The following CATSPERB variants were observed in gnomAD, a reference collection of about 807,000 sequenced individuals.
CATSPERB encodes the protein cation channel sperm-associated auxiliary subunit beta.
In CATSPERB, 93 loss-of-function variants were observed where a neutral mutation model predicts 128.3. The ratio of observed to expected loss-of-function variants is 0.72; its 90% CI spans 0.61 to 0.86. The LOEUF (loss-of-function observed/expected upper bound fraction) is 0.86. Among genes scored for constraint, CATSPERB ranks in the 40% least tolerant of loss-of-function variants. The pLI is 0.00. For missense variants in CATSPERB, 1,153 were observed against 1,329.5 expected (o/e 0.87, Z 2.06); for synonymous variants, 381 against 448.8 (o/e 0.85, Z 1.91).
intron 15 of CATSPERB, among the ~76,000 whole-genome samples, chr14:91,657,253 A>G (rs1374293208): frequency 1.3e-5 from 2 of 152,288 alleles, no homozygotes; most frequent in East Asian, 3.9e-4. Context: ...CACATAGATC[A>G]TTCTGAAATA....
intron 20 of CATSPERB, among the ~76,000 whole-genome samples, chr14:91,612,166 C>T (rs1239648564): frequency 2.6e-5 from 4 of 151,854 alleles, no homozygotes; most frequent in African/African-American, 7.3e-5. Flanking sequence ...CTCAAGCGAT[C>T]CTCTCACCTC....
At chr14:91,628,866 C>T (rs1348299125) in intron 17 of CATSPERB, among the ~76,000 whole-genome samples, 1 of 152,192 alleles carries the variant, frequency 6.6e-6, no homozygotes, top group African/African-American at 2.4e-5. Flanking sequence ...AAAACACTGA[C>T]AACCCAAATA....
intron 15 of CATSPERB, among the ~76,000 whole-genome samples, chr14:91,651,383 C>T (rs181832321): frequency 2.0e-5 from 3 of 152,320 alleles, no homozygotes; most frequent in Non-Finnish European, 4.4e-5. Flanking sequence ...GAGACTGTAA[C>T]ATCTTTCTTC....
rs1326538883 is a variant in CATSPERB, at chr14:91,723,134, C to T, written c.224G>A (p.Ser75Asn). ...ENEIASKAML[S>N]VFTSGGLAPS... ...AGCAAGTCCTCCTGATGTGAACACA[C>T]TTAGCATTGCTTTTGATGCAATTTC... Residue 75 changes from serine (S) to asparagine (N), a missense_variant, in exon 4 of 27, where the codon AGT becomes AAT. Transcript: ENST00000256343. 1 of 1,540,178 alleles carries T rather than the reference C, an allele frequency of 6.5e-7. No homozygotes were observed. The highest frequency in any genetic ancestry group is 8.7e-7 in the Non-Finnish European group (1 of 1,142,960).
In CATSPERB at chr14:91,624,889, A is replaced by C. The variant is rs1458683533; in HGVS notation, c.1861T>G (p.Ser621Ala). The change falls in exon 18 of 27, where the codon TCT becomes GCT. Residue 621 changes from serine to alanine, a missense_variant. Transcript: ENST00000256343. ...PFGLEEVNES[S>A]CLSSSLLINK... ...ATCAAAAGGGAACTAGACAAACAAG[A>C]GCTCTCATTCACTTCTTCTAATCCA... is the stretch of plus-strand genomic sequence containing the variant. 6.2e-7 allele frequency: 1 copy of C among 1,612,662 alleles called. No homozygotes were observed. Among genetic ancestry groups the C allele is most frequent in the Non-Finnish European group, 8.5e-7 (1 of 1,179,582 alleles).
At chr14:91,713,917 A>G (rs1304936) in intron 5 of CATSPERB, among the ~76,000 whole-genome samples, 95,588 of 151,966 alleles carry the variant, frequency 0.63, 30,446 homozygotes, top group Non-Finnish European at 0.66. Flanking sequence ...CCTACTAGCC[A>G]AATGAATTCA....
chr14:91,644,540 C>T (rs1429290074), intron 15 of CATSPERB, among the ~76,000 whole-genome samples: 3 of 112,610 alleles, frequency 2.7e-5, no homozygotes, highest in African/African-American at 1.0e-4. Context: ...ATATTGGCCC[C>T]CACTCTCTTC....
chr14:91,718,526 G>A (rs558431588), intron 5 of CATSPERB, among the ~76,000 whole-genome samples: 1 of 152,220 alleles, frequency 6.6e-6, no homozygotes, highest in East Asian at 1.9e-4. Flanking sequence ...GGTGGATGCT[G>A]GATCAACAAT....
intron 15 of CATSPERB, among the ~76,000 whole-genome samples, chr14:91,650,968 T>C (rs1894695209): frequency 6.6e-6 from 1 of 152,222 alleles, no homozygotes; most frequent in Non-Finnish European, 1.5e-5. Flanking sequence ...TAGGTGTTAT[T>C]TTTACTGTTT....
At chr14:91,725,625 T>C (rs536833714) in intron 2 of CATSPERB, among the ~76,000 whole-genome samples, 221 of 152,330 alleles carry the variant, frequency 1.5e-3, no homozygotes, top group African/African-American at 5.1e-3. Flanking sequence ...AAGTAACATG[T>C]ATCCCTGCAG....
intron 14 of CATSPERB, among the ~76,000 whole-genome samples, chr14:91,664,922 C>T (rs532650622): frequency 1.3e-5 from 2 of 152,292 alleles, no homozygotes; most frequent in African/African-American, 4.8e-5. Flanking sequence ...TCAGGTCTTA[C>T]TCTGTCACCC....
intron 5 of CATSPERB, among the ~76,000 whole-genome samples, chr14:91,714,277 C>CAAAAAAAAAAAAAAAAAAAAAAAAA (rs35951126): frequency 9.0e-6 from 1 of 111,296 alleles, no homozygotes. Context: ...TACAATAAGG[C>CAAAAAAAAAAAAAAAAAAAAAAAAA]AAAAAAAAAA....
At chr14:91,670,571 A>G (rs1344053760) in intron 13 of CATSPERB, among the ~76,000 whole-genome samples, 1 of 152,118 alleles carries the variant, frequency 6.6e-6, no homozygotes. Context: ...AGTCCCAGCT[A>G]CTAATCAGGC....
chr14:91,693,084 G>T, intron 9 of CATSPERB, 42 bp downstream of exon 9: 4 of 1,232,334 alleles, frequency 3.2e-6, no homozygotes, highest in Non-Finnish European at 4.7e-6. Context: ...TGTCACAGAA[G>T]ATATTTAAGA....
chr14:91,648,966 C>A (rs1378327224), intron 15 of CATSPERB, among the ~76,000 whole-genome samples: 1 of 151,398 alleles, frequency 6.6e-6, no homozygotes, highest in African/African-American at 2.4e-5. Flanking sequence ...CTTCACCTGG[C>A]ACTTCCCATT....
At chr14:91,630,335 G>C (rs1160907579) in intron 17 of CATSPERB, among the ~76,000 whole-genome samples, 1 of 152,068 alleles carries the variant, frequency 6.6e-6, no homozygotes, top group Non-Finnish European at 1.5e-5. Context: ...ACCCTCCTCT[G>C]CAGGTAGAAT....
chr14:91,696,074 C>T (rs1014919173), intron 7 of CATSPERB, among the ~76,000 whole-genome samples: 12 of 152,084 alleles, frequency 7.9e-5, no homozygotes, highest in East Asian at 1.9e-4. Context: ...AGAAGAAATG[C>T]GTAATAGACA....
chr14:91,649,994 A>G (rs966926788), intron 15 of CATSPERB, among the ~76,000 whole-genome samples: 1 of 152,174 alleles, frequency 6.6e-6, no homozygotes, highest in African/African-American at 2.4e-5. Context: ...CTAAGGTTCA[A>G]TATGCCATAT....
In CATSPERB at chr14:91,613,924, C is replaced by T. The variant is rs538809834; in HGVS notation, c.2401-3247G>A. Among the ~76,000 whole-genome samples, 10 of 152,320 alleles carry T rather than the reference C, an allele frequency of 6.6e-5. 1 individual carries two copies. The South Asian group carries it at 2.1e-3, about 32-fold the overall frequency. Reference sequence around the variant, plus strand: ...CACCCAAGGGACCACTTGAAACATGCTTGCAAGTAACACCCCCTCATGGTC... The same window carrying T: ...CACCCAAGGGACCACTTGAAACATGTTTGCAAGTAACACCCCCTCATGGTC... On this transcript the variant is annotated intron_variant, in intron 20 of 26. Transcript: ENST00000256343.
Sources: allele counts gnomAD v4.1 joint callset (sites outside exome capture counted in the v4.1 genomes callset), GRCh38; gene constraint gnomAD v4.1.1; transcripts MANE v1.5; gene names NCBI Gene and HGNC (gene_info 2026-07-23, HGNC 2026-07-21).